The following LRRC20 variants were observed in gnomAD, a reference collection of about 807,000 sequenced individuals.
The protein encoded by LRRC20 is leucine rich repeat containing 20.
LRRC20 carries 11 observed loss-of-function variants against 14.4 expected under a neutral mutation model. The ratio of observed to expected loss-of-function variants is 0.77; its 90% CI spans 0.48 to 1.27. LRRC20 has a LOEUF of 1.27. Among genes scored for constraint, LRRC20 ranks in the 50% most tolerant of loss-of-function variants. The probability of loss-of-function intolerance (pLI) is 0.00; values close to 1 mark genes in which losing one functional copy is unlikely to be tolerated. For synonymous variants in LRRC20, 121 were observed against 107.3 expected, an observed-to-expected ratio of 1.13 and a Z score of -0.79; for missense variants, 219 against 251.2, an observed-to-expected ratio of 0.87 and a Z score of 0.87.
intron 1 of LRRC20, among the ~76,000 whole-genome samples, chr10:70,378,877 C>T (rs922711476): frequency 7.2e-5 from 11 of 151,940 alleles, no homozygotes; most frequent in Admixed American, 7.2e-4. Context: ...ACCCAGGAGG[C>T]GGAGGTTGCA....
intron 2 of LRRC20, among the ~76,000 whole-genome samples, chr10:70,368,954 A>G (rs143146386): frequency 1.0e-3 from 155 of 152,302 alleles, no homozygotes; most frequent in African/African-American, 3.6e-3. Context: ...TACTCCTACA[A>G]TCCTGATGTT....
At chr10:70,321,728 T>C (rs1374260692) in intron 4 of LRRC20, among the ~76,000 whole-genome samples, 8 of 152,118 alleles carry the variant, frequency 5.3e-5, no homozygotes, top group Admixed American at 5.2e-4. Flanking sequence ...GCTGAACTGA[T>C]TGGGAAACAC....
At chr10:70,362,779 TG>T (rs1843791593) in intron 2 of LRRC20, among the ~76,000 whole-genome samples, 1 of 152,180 alleles carries the variant, frequency 6.6e-6, no homozygotes, top group South Asian at 2.1e-4. Context: ...GAGACAAATT[TG>T]GCTGTTACAA....
intron 4 of LRRC20, among the ~76,000 whole-genome samples, chr10:70,304,567 A>T (rs958604707): frequency 2.0e-5 from 3 of 148,296 alleles, no homozygotes; most frequent in Non-Finnish European, 4.5e-5. Flanking sequence ...AATTGTGGTA[A>T]AATACAAATA....
At chr10:70,379,815 C>T (rs941021979) in intron 1 of LRRC20, among the ~76,000 whole-genome samples, 4 of 152,166 alleles carry the variant, frequency 2.6e-5, no homozygotes, top group Non-Finnish European at 5.9e-5. Flanking sequence ...CCATCCTTTT[C>T]GGTTTCCTGG....
At chr10:70,351,850 G>T (rs889756383) in intron 2 of LRRC20, among the ~76,000 whole-genome samples, 2 of 152,098 alleles carry the variant, frequency 1.3e-5, no homozygotes, top group Admixed American at 1.3e-4. Flanking sequence ...TACAGTTTCT[G>T]CAATACAAGC....
chr10:70,361,998 C>T (rs911992077), intron 2 of LRRC20, among the ~76,000 whole-genome samples: 3 of 152,138 alleles, frequency 2.0e-5, no homozygotes, highest in African/African-American at 7.2e-5. Context: ...ACCAGCCTGG[C>T]CAACATGGTG....
chr10:70,333,140 A>T (rs1174373652), intron 3 of LRRC20, among the ~76,000 whole-genome samples: 1 of 152,170 alleles, frequency 6.6e-6, no homozygotes, highest in Non-Finnish European at 1.5e-5. Context: ...GTGAAGGGAA[A>T]CTGCAGTCTT....
chr10:70,382,154 A>T (rs1280035281), intron 1 of LRRC20, among the ~76,000 whole-genome samples: 1 of 152,206 alleles, frequency 6.6e-6, no homozygotes, highest in Non-Finnish European at 1.5e-5. Flanking sequence ...AGCGGAAGCA[A>T]ACCCCGAAAG....
At chr10:70,370,857 A>C (rs1844238703) in intron 2 of LRRC20, among the ~76,000 whole-genome samples, 1 of 152,136 alleles carries the variant, frequency 6.6e-6, no homozygotes, top group African/African-American at 2.4e-5. Context: ...CCATCTCTAC[A>C]AAATATTTTA....
At chr10:70,365,944 G>A (rs1053055623) in intron 2 of LRRC20, among the ~76,000 whole-genome samples, 3 of 151,108 alleles carry the variant, frequency 2.0e-5, no homozygotes, top group African/African-American at 7.3e-5. Flanking sequence ...TGGCAGGCGC[G>A]TGTAGTCCCA....
intron 1 of LRRC20, 86 bp from the exon 2 acceptor site, chr10:70,376,682 G>T: frequency 1.4e-6 from 1 of 701,890 alleles, no homozygotes; most frequent in East Asian, 2.7e-5. Flanking sequence ...TCTCCCCCAG[G>T]ACCCAGGCTG....
intron 2 of LRRC20, among the ~76,000 whole-genome samples, chr10:70,343,537 G>T (rs1347722775): frequency 6.6e-6 from 1 of 152,254 alleles, no homozygotes; most frequent in African/African-American, 2.4e-5. Flanking sequence ...GTTGGCAGGA[G>T]AGACTGCTAA....
chr10:70,359,932 T>G (rs1165746658), intron 2 of LRRC20, among the ~76,000 whole-genome samples: 1 of 151,660 alleles, frequency 6.6e-6, no homozygotes, highest in Non-Finnish European at 1.5e-5. Flanking sequence ...TTTTTTTTTT[T>G]TTGAGGTGGA....
At chr10:70,373,109 CAAA>C (rs11356424) in intron 2 of LRRC20, among the ~76,000 whole-genome samples, 4 of 150,512 alleles carry the variant, frequency 2.7e-5, no homozygotes, top group South Asian at 2.1e-4. Context: ...GACTCCATCT[CAAA>C]AAAAAAAAGC....
intron 4 of LRRC20, among the ~76,000 whole-genome samples, chr10:70,310,521 G>C (rs557644944): frequency 6.6e-6 from 1 of 152,256 alleles, no homozygotes; most frequent in African/African-American, 2.4e-5. Context: ...CAAACTCTCT[G>C]AACATTTTCT....
Position 70,356,918 on chromosome 10 carries a change from C to A in LRRC20, c.83-16216G>T, listed in dbSNP as rs557132715. ...ACCTGTATATAAATGTTCACAGCAGCATTTTCACAATAGTTGAAAAGTGGA... is the reference window on the plus strand; with the variant it reads ...ACCTGTATATAAATGTTCACAGCAGAATTTTCACAATAGTTGAAAAGTGGA... On this transcript the variant is annotated intron_variant, in intron 2 of 4. Transcript: ENST00000446961. Among the ~76,000 whole-genome samples the A allele has an allele frequency of 2.0e-5, 3 of 152,262 alleles. No homozygotes were observed. In the East Asian group the frequency reaches 5.8e-4, roughly 29 times the overall value.
At chr10:70,349,516 T>TG (rs1284866273) in intron 2 of LRRC20, among the ~76,000 whole-genome samples, 5 of 152,176 alleles carry the variant, frequency 3.3e-5, no homozygotes, top group Non-Finnish European at 7.3e-5. Flanking sequence ...AGGCAGAGGT[T>TG]GCAGTGAGCA....
rs140676120 is a variant in LRRC20 at position 70,371,873 on chromosome 10, C to T, written c.82+4579G>A. Among the ~76,000 whole-genome samples the T allele has an allele frequency of 2.1e-3, 322 of 151,826 alleles. 1 individual carries two copies. The highest frequency in any genetic ancestry group is 6.4e-3 in the African/African-American group (264 of 41,430). On this transcript the variant is annotated intron_variant, in intron 2 of 4. Transcript: ENST00000446961. ...GTGAGAAAGGCTGGGATCCTCGCCT[C>T]GAGTTACAGGAGGAAGCAGGCCTGG...
Sources: allele counts gnomAD v4.1 joint callset (sites outside exome capture counted in the v4.1 genomes callset), GRCh38; gene constraint gnomAD v4.1.1; transcripts MANE v1.5; gene names NCBI Gene and HGNC (gene_info 2026-07-23, HGNC 2026-07-21).